The following SLC24A3 variants were observed in gnomAD, a reference collection of about 807,000 sequenced individuals.
SLC24A3 encodes the protein sodium/potassium/calcium exchanger 3.
SLC24A3 carries 28 observed loss-of-function variants against 75.8 expected under a neutral mutation model. The ratio of observed to expected loss-of-function variants is 0.37; its 90% confidence interval spans 0.27 to 0.51. The LOEUF is 0.51. Among genes scored for constraint, SLC24A3 ranks in the 20% least tolerant of loss-of-function variants. The pLI is 0.94. For missense variants in SLC24A3, 663 were observed against 847.8 expected (o/e 0.78, Z 2.71); for synonymous variants, 372 against 334.1 (o/e 1.11, Z -1.24).
At chr20:19,236,405 C>T (rs74513991) in intron 1 of SLC24A3, among the ~76,000 whole-genome samples, 6 of 152,044 alleles carry the variant, frequency 3.9e-5, no homozygotes, top group Admixed American at 2.6e-4. Flanking sequence ...GTTGATAGAC[C>T]GGCCCATATA....
intron 2 of SLC24A3, among the ~76,000 whole-genome samples, chr20:19,370,262 A>G (rs949339728): frequency 1.3e-5 from 2 of 152,212 alleles, no homozygotes; most frequent in African/African-American, 4.8e-5. Flanking sequence ...CTGCTCACAC[A>G]TCATTTCCTT....
intron 2 of SLC24A3, among the ~76,000 whole-genome samples, chr20:19,417,398 G>A (rs1209593094): frequency 1.3e-5 from 2 of 152,186 alleles, no homozygotes; most frequent in African/African-American, 2.4e-5. Context: ...AGACAGAATG[G>A]AACAATAGCG....
intron 6 of SLC24A3, among the ~76,000 whole-genome samples, chr20:19,637,046 T>C (rs1189685663): frequency 1.3e-5 from 2 of 152,052 alleles, no homozygotes; most frequent in Non-Finnish European, 2.9e-5. Context: ...ACCTGTAAAA[T>C]CCCAGCACTT....
chr20:19,416,453 C>G (rs996445663), intron 2 of SLC24A3, among the ~76,000 whole-genome samples: 2 of 152,134 alleles, frequency 1.3e-5, no homozygotes, highest in Non-Finnish European at 2.9e-5. Context: ...CTGCTGAGCT[C>G]AGGCAGAGGG....
chr20:19,686,024 TGAGA>T (rs566287046), intron 12 of SLC24A3, among the ~76,000 whole-genome samples: 107 of 152,296 alleles, frequency 7.0e-4, no homozygotes, highest in African/African-American at 2.5e-3. Flanking sequence ...GTTTTAAAGC[TGAGA>T]GAGAGTCAGT....
rs543575563 is a variant in SLC24A3, at chr20:19,497,046, C to T, written c.272-18442C>T. Reference sequence around the variant, plus strand: ...TAGACATTAGGGTACCAGCCATTTACCCCATGGGGTACCAGCGATTTGCCC... The same window carrying T: ...TAGACATTAGGGTACCAGCCATTTATCCCATGGGGTACCAGCGATTTGCCC... On this transcript the variant is annotated intron_variant, in intron 2 of 16. Transcript: ENST00000328041. Among the ~76,000 whole-genome samples, 25 of 152,274 alleles carry T rather than the reference C, an allele frequency of 1.6e-4. No individual in the cohort carries two copies. In the South Asian group the frequency reaches 5.0e-3, roughly 30 times the overall value.
chr20:19,419,571 CCATCTGT>C (rs1986882705), intron 2 of SLC24A3, among the ~76,000 whole-genome samples: 1 of 152,130 alleles, frequency 6.6e-6, no homozygotes, highest in Non-Finnish European at 1.5e-5. Flanking sequence ...ACCCAGCTGT[CCATCTGT>C]CATGTGGACC....
At chr20:19,321,399 T>C (rs2122276596) in intron 2 of SLC24A3, among the ~76,000 whole-genome samples, 1 of 152,306 alleles carries the variant, frequency 6.6e-6, no homozygotes, top group Middle Eastern at 3.4e-3. Flanking sequence ...GGCTGAGCAC[T>C]GCACTTAGCA....
At chr20:19,668,241 C>T (rs374568490) in intron 8 of SLC24A3, among the ~76,000 whole-genome samples, 5 of 152,292 alleles carry the variant, frequency 3.3e-5, no homozygotes, top group African/African-American at 9.6e-5. Context: ...TACTTTGGGA[C>T]TCCCGGGGAT....
chr20:19,549,849 A>G (rs1267666426), intron 3 of SLC24A3, among the ~76,000 whole-genome samples: 2 of 152,158 alleles, frequency 1.3e-5, no homozygotes, highest in Non-Finnish European at 2.9e-5. Flanking sequence ...TCCACTTCCA[A>G]CTGATGAGGG....
intron 2 of SLC24A3, among the ~76,000 whole-genome samples, chr20:19,425,228 G>C (rs1330295698): frequency 6.6e-6 from 1 of 152,026 alleles, no homozygotes; most frequent in East Asian, 1.9e-4. Flanking sequence ...ACTTGAACCT[G>C]GGAGGCGGAG....
intron 2 of SLC24A3, among the ~76,000 whole-genome samples, chr20:19,514,363 AG>A (rs1342309917): frequency 2.0e-5 from 3 of 152,242 alleles, no homozygotes; most frequent in Non-Finnish European, 4.4e-5. Flanking sequence ...CTGCTTTTAG[AG>A]GAATCCAAAA....
At chr20:19,271,438 A>G (rs1419968704) in intron 1 of SLC24A3, among the ~76,000 whole-genome samples, 1 of 152,236 alleles carries the variant, frequency 6.6e-6, no homozygotes, top group African/African-American at 2.4e-5. Flanking sequence ...GAGATTCCTT[A>G]AAGAACTGCA....
rs149660097 is a variant in SLC24A3 at position 19,542,754 on chromosome 20, G to A, written c.348+27190G>A. Among the ~76,000 whole-genome samples the A allele has an allele frequency of 1.5e-3, 228 of 152,246 alleles. 1 individual carries two copies. The highest frequency in any genetic ancestry group is 1.5e-3 in the Non-Finnish European group (104 of 68,018). ...GGGGGGCTATGGAGAGGAAGGGATC[G>A]GAGAGCCCCTCTGAGATCATAAACC... On this transcript the variant is annotated intron_variant, in intron 3 of 16. Transcript: ENST00000328041.
chr20:19,639,474 A>C, intron 6 of SLC24A3, among the ~76,000 whole-genome samples: 1 of 152,252 alleles, frequency 6.6e-6, no homozygotes, highest in Non-Finnish European at 1.5e-5. Flanking sequence ...CTTGAGCTAG[A>C]TACAGAGTGC....
At chr20:19,582,088 T>C (rs1230769226) in intron 4 of SLC24A3, among the ~76,000 whole-genome samples, 1 of 152,240 alleles carries the variant, frequency 6.6e-6, no homozygotes, top group Non-Finnish European at 1.5e-5. Flanking sequence ...ATGGGTGGGC[T>C]GAGGTCAGAG....
chr20:19,415,278 T>C (rs1011850934), intron 2 of SLC24A3, among the ~76,000 whole-genome samples: 2 of 152,262 alleles, frequency 1.3e-5, no homozygotes, highest in African/African-American at 2.4e-5. Context: ...TTGTAGAATA[T>C]AAGCCTCAGG....
intron 1 of SLC24A3, among the ~76,000 whole-genome samples, chr20:19,237,503 G>A (rs1462244491): frequency 6.6e-6 from 1 of 152,196 alleles, no homozygotes; most frequent in East Asian, 1.9e-4. Flanking sequence ...TCATGTGCTA[G>A]CTCAGCTTGC....
At chr20:19,477,168 C>T (rs1357142219) in intron 2 of SLC24A3, among the ~76,000 whole-genome samples, 3 of 151,992 alleles carry the variant, frequency 2.0e-5, no homozygotes, top group African/African-American at 7.2e-5. Flanking sequence ...ATGGATCCAG[C>T]AGGTGGAACT....
Sources: allele counts gnomAD v4.1 joint callset (sites outside exome capture counted in the v4.1 genomes callset), GRCh38; gene constraint gnomAD v4.1.1; transcripts MANE v1.5; gene names NCBI Gene and HGNC (gene_info 2026-07-23, HGNC 2026-07-21).